The following CCDC77 variants were observed in gnomAD, a reference collection of about 807,000 sequenced individuals.
The protein encoded by CCDC77 is coiled-coil domain-containing protein 77.
A neutral mutation model predicts 66.8 loss-of-function variants in CCDC77; 56 were observed. The ratio of observed to expected loss-of-function variants is 0.84; its 90% confidence interval spans 0.68 to 1.05. The LOEUF (loss-of-function observed/expected upper bound fraction) is 1.05. CCDC77 is among the 50% of genes least tolerant of loss of function. The pLI is 0.00. For missense variants in CCDC77, 570 were observed against 576.8 expected (o/e 0.99, Z 0.12); for synonymous variants, 196 against 195.2 (o/e 1.00, Z -0.03).
chr12:393,678 CCCA>C (rs1239098521), intron 1 of CCDC77, among the ~76,000 whole-genome samples: 12 of 152,200 alleles, frequency 7.9e-5, no homozygotes, highest in African/African-American at 2.9e-4. Flanking sequence ...ATTACAGGCA[CCCA>C]CCACCACACT....
intron 1 of CCDC77, among the ~76,000 whole-genome samples, chr12:403,933 GC>G (rs1379163367): frequency 1.3e-5 from 2 of 152,224 alleles, no homozygotes; most frequent in African/African-American, 4.8e-5. Flanking sequence ...TTGCCACTGT[GC>G]CCAGCTAATT....
intron 4 of CCDC77, among the ~76,000 whole-genome samples, chr12:413,005 C>T (rs1337422972): frequency 6.6e-6 from 1 of 151,780 alleles, no homozygotes; most frequent in Non-Finnish European, 1.5e-5. Flanking sequence ...GTGGCGCGAT[C>T]TCAGCTCACC....
rs180691634 is a variant in CCDC77 at position 435,868 on chromosome 12, C to T, written c.822-2467C>T. 1.6e-4 allele frequency among the ~76,000 whole-genome samples: 24 copies of T among 151,974 alleles called. 1 individual carries two copies. In the East Asian group the frequency reaches 4.5e-3, roughly 28 times the overall value. ...ATCCTCCTGCCTCAGCCTTCCAAGT[C>T]GCTAGGATTACAGGTGCATACCACC... On this transcript the variant is annotated intron_variant, in intron 9 of 12. Coordinates refer to ENST00000239830, the MANE Select transcript of CCDC77 (RefSeq NM_032358.4).
Position 441,716 on chromosome 12 carries a change from C to T in CCDC77, c.1321-58C>T, listed in dbSNP as rs1945860007. The T allele has an allele frequency of 4.5e-6, 7 of 1,556,962 alleles. No homozygotes were observed. In the Admixed American group the frequency reaches 5.7e-5, roughly 13 times the overall value. On this transcript the variant is annotated intron_variant, in intron 12 of 12. Coordinates refer to ENST00000239830, the MANE Select transcript of CCDC77 (RefSeq NM_032358.4). ...ATAGCTGTGTCTTTTTGACTGATAT[C>T]GCTCCCCTGGCATATGCCATCATCA...
At chr12:390,635 A>C (rs1591949671) in intron 1 of CCDC77, among the ~76,000 whole-genome samples, 2 of 152,134 alleles carry the variant, frequency 1.3e-5, no homozygotes, top group African/African-American at 4.8e-5. Context: ...CTGTAGCATC[A>C]CCTTTTCCCT....
At chr12:396,754 C>T (rs1541465), upstream of CCDC77, among the ~76,000 whole-genome samples, 112,744 of 152,104 alleles carry the variant, frequency 0.74, 41,897 homozygotes, top group East Asian at 0.84. Flanking sequence ...CTGGAAAGTG[C>T]GTCCTGTGTT....
upstream of CCDC77, among the ~76,000 whole-genome samples, chr12:396,779 A>G (rs1384814567): frequency 6.6e-6 from 1 of 152,260 alleles, no homozygotes; most frequent in African/African-American, 2.4e-5. Flanking sequence ...AGATGACCAC[A>G]TCAATTTCTT....
chr12:398,013 G>C (rs1449035385), upstream of CCDC77, among the ~76,000 whole-genome samples: 1 of 152,138 alleles, frequency 6.6e-6, no homozygotes, highest in Non-Finnish European at 1.5e-5. Flanking sequence ...CACTGATGGA[G>C]GGTCTAGCCT....
Position 430,726 on chromosome 12 carries a change from T to TTTTG in CCDC77, c.575_576insTGTT (p.Lys193ValfsTer6). The TTTTG allele has an allele frequency of 6.2e-7, 1 of 1,612,148 alleles. No individual in the cohort carries two copies. The highest frequency in any genetic ancestry group is 8.5e-7 in the Non-Finnish European group (1 of 1,178,146). On this transcript the variant is annotated frameshift_variant, in exon 7 of 13. Coordinates refer to ENST00000239830, the MANE Select transcript of CCDC77 (RefSeq NM_032358.4). LOFTEE classifies it high-confidence loss of function. ...AATGTGAGCAGAGTGAATCTTCAGC[T>TTTTG]TTCAAAGCAGGTAACAACCATATAA...
intron 4 of CCDC77, 142 bp downstream of exon 4, chr12:412,120 C>A (rs1282060466): frequency 3.0e-6 from 2 of 672,152 alleles, no homozygotes; most frequent in East Asian, 2.7e-5. Flanking sequence ...ATTGCCCCTT[C>A]AGGCCCTCCT....
chr12:437,995 A>G (rs1000359817), intron 9 of CCDC77, among the ~76,000 whole-genome samples: 5 of 152,098 alleles, frequency 3.3e-5, no homozygotes, highest in Admixed American at 1.3e-4. Flanking sequence ...ACCGTGATTT[A>G]GTTCTTCCTT....
intron 3 of CCDC77, among the ~76,000 whole-genome samples, chr12:410,463 TTGCTGTGTTGGC>T (rs1477751255): frequency 6.7e-6 from 1 of 149,958 alleles, no homozygotes; most frequent in Non-Finnish European, 1.5e-5. Flanking sequence ...AGACTAGGTT[TTGCTGTGTTGGC>T]CAGGTTGGTC....
At chr12:400,234 C>CT (rs1944878295), upstream of CCDC77, among the ~76,000 whole-genome samples, 1 of 152,228 alleles carries the variant, frequency 6.6e-6, no homozygotes, top group African/African-American at 2.4e-5. Context: ...TAGGCTTTGG[C>CT]TTCAGGGAAT....
At chr12:416,391 A>ATG (rs1565569258) in intron 4 of CCDC77, among the ~76,000 whole-genome samples, 29 of 47,164 alleles carry the variant, frequency 6.1e-4, no homozygotes, top group East Asian at 2.5e-3. Flanking sequence ...ATATATATAT[A>ATG]TATATATATA....
chr12:433,165 C>G lies in CCDC77; in HGVS notation c.673-9C>G. 6.2e-7 allele frequency: 1 copy of G among 1,601,146 alleles called. No individual in the cohort carries two copies. Among genetic ancestry groups the G allele is most frequent in the Non-Finnish European group, 8.5e-7 (1 of 1,174,568 alleles). ...GGCTGGATTCCTCACCCCTTTTTGGCCTGTCTAGGTGGAAGCACTGCAGGC... is the reference window on the plus strand; with the variant it reads ...GGCTGGATTCCTCACCCCTTTTTGGGCTGTCTAGGTGGAAGCACTGCAGGC... On this transcript the variant is annotated splice_polypyrimidine_tract_variant and intron_variant, in intron 8 of 12. Transcript: ENST00000239830.
Position 438,501 on chromosome 12 carries a change from A to G in CCDC77, c.988A>G (p.Lys330Glu), listed in dbSNP as rs2137621164. The change falls in exon 10 of 13, where the codon AAA becomes GAA. Residue 330 changes from lysine to glutamate, a missense_variant. Lys to Glu is a moderately conservative substitution (Grantham distance 56). Transcript: ENST00000239830. ...TAAGAAGAAAGAAGATAAAATTGGA[A>G]AAGTGTTGCCCGTTATGCATGAGAG... ...QCKKKEDKIGKVLPVMHESHH... is the reference protein window; with the variant it reads ...QCKKKEDKIGEVLPVMHESHH... 1 of 1,614,114 alleles carries G rather than the reference A, an allele frequency of 6.2e-7. No homozygotes were observed. Among genetic ancestry groups the G allele is most frequent in the Admixed American group, 1.7e-5 (1 of 60,026 alleles).
intron 1 of CCDC77, among the ~76,000 whole-genome samples, chr12:389,769 C>T (rs757320841): frequency 1.1e-4 from 16 of 152,224 alleles, no homozygotes; most frequent in Non-Finnish European, 2.2e-4. Context: ...TTGTTTTAAC[C>T]TACCCTGCTG....
At chr12:416,377 G>GTATA (rs1167006549) in intron 4 of CCDC77, among the ~76,000 whole-genome samples, 261 of 20,470 alleles carry the variant, frequency 0.013, 7 homozygotes, top group Middle Eastern at 0.028. Flanking sequence ...GTGTGTGTGT[G>GTATA]TATATATATA....
intron 2 of CCDC77, among the ~76,000 whole-genome samples, 154 bp from the exon 3 acceptor site, chr12:409,210 CAAAA>C (rs58177258): frequency 1.2e-5 from 1 of 82,926 alleles, no homozygotes; most frequent in Non-Finnish European, 2.7e-5. Flanking sequence ...GACACTGTCT[CAAAA>C]AAAAAAAAAA....
Sources: gnomAD v4.1 joint callset for allele counts (sites outside exome capture counted in the v4.1 genomes callset) on GRCh38, gnomAD v4.1.1 for gene constraint, MANE v1.5 for transcripts, NCBI Gene and HGNC (gene_info 2026-07-23, HGNC 2026-07-21) for gene names.